Variants in DOP1A observed in about 807,000 individuals in gnomAD.
DOP1A encodes protein DOP1A.
A neutral mutation model predicts 267.6 loss-of-function variants in DOP1A; 90 were observed. That is an observed-to-expected ratio of 0.34 (90% CI 0.28 to 0.40). The LOEUF is 0.40. DOP1A is among the 10% of genes least tolerant of loss of function. The probability of loss-of-function intolerance (pLI) is 1.00; values close to 1 mark genes in which losing one functional copy is unlikely to be tolerated. For synonymous variants in DOP1A, 932 were observed against 999.1 expected (o/e 0.93, Z 1.27); for missense variants, 2,437 against 2,900.4 (o/e 0.84, Z 3.67).
At chr6:83,158,086 C>T (rs1257003703) in intron 35 of DOP1A, among the ~76,000 whole-genome samples, 1 of 152,020 alleles carries the variant, frequency 6.6e-6, no homozygotes, top group African/African-American at 2.4e-5. Flanking sequence ...GCAAGCTCTG[C>T]CTCCCGGGTT....
chr6:83,123,816 C>T (rs6916513), intron 12 of DOP1A, among the ~76,000 whole-genome samples: 44 of 151,996 alleles, frequency 2.9e-4, no homozygotes, highest in Non-Finnish European at 2.8e-4. Context: ...ATGTAGGAAT[C>T]GTATTTTTTT....
chr6:83,124,615 A>T (rs1583022174), intron 12 of DOP1A, 90 bp from the exon 13 acceptor site: 1 of 945,604 alleles, frequency 1.1e-6, no homozygotes, highest in East Asian at 2.4e-5. Context: ...CCCAATATTG[A>T]CTTGGACTTC....
chr6:83,112,663 C>T (rs1009693784), intron 6 of DOP1A, among the ~76,000 whole-genome samples: 2 of 152,130 alleles, frequency 1.3e-5, no homozygotes, highest in Non-Finnish European at 2.9e-5. Flanking sequence ...CAGGGTTTCA[C>T]CATGTTGGCC....
intron 36 of DOP1A, among the ~76,000 whole-genome samples, chr6:83,159,300 G>A (rs1228189524): frequency 6.6e-6 from 1 of 151,860 alleles, no homozygotes; most frequent in African/African-American, 2.4e-5. Context: ...TTTAGACAGG[G>A]TCTCATCTTT....
At chr6:83,113,453 C>A in intron 7 of DOP1A, 32 bp downstream of exon 7, 1 of 1,556,350 alleles carries the variant, frequency 6.4e-7, no homozygotes, top group Non-Finnish European at 8.9e-7. Context: ...TATTATAAGG[C>A]ATTCTTGGAA....
rs934788488 is a variant in DOP1A at position 83,067,767 on chromosome 6, G to A, written c.-159G>A. On this transcript the variant is annotated 5_prime_UTR_variant, in exon 1 of 39. Transcript: ENST00000349129. ...AGAGCTGCGCCGGCGAGAAGCGGCC[G>A]AGCCAGCAGCAGGTAAAAGCGTCCC... The A allele has an allele frequency of 1.3e-5, 2 of 152,384 alleles. No homozygotes were observed. Among genetic ancestry groups the A allele is most frequent in the African/African-American group, 2.4e-5 (1 of 41,478 alleles). The allele number at this position is 152,384 out of a possible 1,614,324, so 9.4% of individuals were successfully genotyped here.
At chr6:83,119,879 C>T (rs117172298) in intron 9 of DOP1A, 22 bp downstream of exon 9, 1 of 1,575,856 alleles carries the variant, frequency 6.3e-7, no homozygotes, top group East Asian at 2.2e-5. Flanking sequence ...TTTTATTATT[C>T]TTTGGTTACT....
chr6:83,129,156 C>T lies in DOP1A; in HGVS notation c.1989C>T (p.Thr663=), dbSNP rs1239484976. The T allele has an allele frequency of 6.2e-7, 1 of 1,612,956 alleles. No homozygotes were observed. The highest frequency in any genetic ancestry group is 2.2e-5 in the East Asian group (1 of 44,854). The change falls in exon 16 of 39, where the codon ACC becomes ACT. Residue 663 remains threonine (T), a synonymous_variant. Transcript: ENST00000349129. The part of the protein sequence containing the change: ...TPSVVTQGTA[T]RSRKTAQKTA... ...CCGTAGTCACTCAGGGGACAGCAAC[C>T]CGAAGTAGGAAGACAGCCCAAAAGA...
At chr6:83,169,506 G>T, downstream of DOP1A, 2 of 651,156 alleles carry the variant, frequency 3.1e-6, no homozygotes, top group South Asian at 4.1e-5. Context: ...TTAAATAAAC[G>T]GAAAACAGAC....
Position 83,168,352 on chromosome 6 carries a change from T to G in DOP1A, c.*185T>G, listed in dbSNP as rs1220157818. 1 of 1,405,376 alleles carries G rather than the reference T, an allele frequency of 7.1e-7. No individual in the cohort carries two copies. Among genetic ancestry groups the G allele is most frequent in the Admixed American group, 3.0e-5 (1 of 33,554 alleles). The allele number at this position is 1,405,376 out of a possible 1,614,324, so 87.1% of individuals were successfully genotyped here. The stretch of plus-strand genomic sequence containing the variant: ...TGGCCTGAATCAAGTTTAAATATTG[T>G]TGGCTCATACTGATTATGGTGCCTA... On this transcript the variant is annotated 3_prime_UTR_variant, in exon 39 of 39. Transcript: ENST00000349129.
chr6:83,139,593 G>A (rs192057121), intron 21 of DOP1A, among the ~76,000 whole-genome samples: 78 of 152,096 alleles, frequency 5.1e-4, no homozygotes, highest in Admixed American at 2.3e-3. Context: ...GACAAAATTC[G>A]ATCTGAGTCT....
At chr6:83,119,676 T>C (rs1160604200) in intron 8 of DOP1A, 72 bp from the exon 9 acceptor site, 15 of 1,253,722 alleles carry the variant, frequency 1.2e-5, no homozygotes, top group Non-Finnish European at 1.7e-5. Context: ...GAGATTTTGC[T>C]GTTTTGGTAT....
chr6:83,131,564 A>T (rs1399077020), intron 17 of DOP1A, among the ~76,000 whole-genome samples: 1 of 152,194 alleles, frequency 6.6e-6, no homozygotes, highest in Non-Finnish European at 1.5e-5. Flanking sequence ...TTTGTATCTT[A>T]TTAAGGATAG....
At chr6:83,157,073 A>T (rs1782967559) in intron 34 of DOP1A, 109 bp from the exon 35 acceptor site, 2 of 1,074,032 alleles carry the variant, frequency 1.9e-6, no homozygotes, top group Non-Finnish European at 2.6e-6. Context: ...GAATTTTTTT[A>T]AAGTTTATCC....
intron 1 of DOP1A, among the ~76,000 whole-genome samples, chr6:83,070,297 A>T (rs1785375362): frequency 6.6e-6 from 1 of 152,206 alleles, no homozygotes; most frequent in African/African-American, 2.4e-5. Context: ...TTTTATTGAG[A>T]ATTGTATGAA....
intron 1 of DOP1A, among the ~76,000 whole-genome samples, chr6:83,085,774 GTATTTTATGTTATGT>G (rs1392363071): frequency 9.8e-5 from 13 of 132,526 alleles, no homozygotes; most frequent in African/African-American, 3.3e-4. Context: ...GTTTTTTGCG[GTATTTTATGTTATGT>G]TATGTTATGT....
intron 18 of DOP1A, among the ~76,000 whole-genome samples, chr6:83,133,395 T>C (rs1424314796): frequency 6.6e-6 from 1 of 152,090 alleles, no homozygotes. Context: ...AAATGCAGGC[T>C]TCATAAGAAA....
intron 1 of DOP1A, among the ~76,000 whole-genome samples, chr6:83,083,350 G>A (rs1308634131): frequency 2.0e-5 from 3 of 150,030 alleles, no homozygotes; most frequent in African/African-American, 7.4e-5. Flanking sequence ...AGCCGGAAAA[G>A]TTTTTTGAAA....
intron 31 of DOP1A, 62 bp from the exon 32 acceptor site, chr6:83,153,832 A>G (rs1562373891): frequency 2.6e-6 from 4 of 1,510,032 alleles, no homozygotes; most frequent in African/African-American, 1.4e-5. Context: ...ACATTTATGT[A>G]TAACTTGATA....
Sources: gnomAD v4.1 joint callset for allele counts (sites outside exome capture counted in the v4.1 genomes callset) on GRCh38, gnomAD v4.1.1 for gene constraint, MANE v1.5 for transcripts, NCBI Gene and HGNC (gene_info 2026-07-23, HGNC 2026-07-21) for gene names.